The following NDUFAF6 variants were observed in gnomAD, a reference collection of about 807,000 sequenced individuals.
NDUFAF6 encodes NADH dehydrogenase (ubiquinone) complex I, assembly factor 6.
In NDUFAF6, 45 loss-of-function variants were observed where a neutral mutation model predicts 40.8. The observed-to-expected ratio is 1.10, with a 90% CI of 0.87 to 1.42. The LOEUF (loss-of-function observed/expected upper bound fraction) is 1.42. NDUFAF6 is among the 40% of genes most tolerant of loss of function. The pLI is 0.00. For missense variants in NDUFAF6, 435 were observed against 418.5 expected (o/e 1.04, Z -0.34); for synonymous variants, 185 against 155.9 (o/e 1.19, Z -1.39).
At chr8:94,991,543 T>G (rs1254093015) in intron 2 of NDUFAF6, among the ~76,000 whole-genome samples, 2 of 152,212 alleles carry the variant, frequency 1.3e-5, no homozygotes, top group African/African-American at 4.8e-5. Context: ...CTAATCAGCT[T>G]ATGTATGTAA....
intron 1 of NDUFAF6, among the ~76,000 whole-genome samples, chr8:94,943,492 A>G (rs998739722): frequency 6.6e-6 from 1 of 152,172 alleles, no homozygotes; most frequent in African/African-American, 2.4e-5. Flanking sequence ...GTCTCAAAAA[A>G]AAGTTATATA....
intron 1 of NDUFAF6, chr8:94,930,577 G>C (rs1443640130): frequency 6.2e-7 from 1 of 1,614,212 alleles, no homozygotes; most frequent in Non-Finnish European, 8.5e-7. Flanking sequence ...TGGCGACGAA[G>C]GCTATTTCTG....
rs564548190 is a variant in NDUFAF6 at position 95,041,073 on chromosome 8, G to A, written c.421-497G>A. On this transcript the variant is annotated intron_variant, in intron 3 of 8. Transcript: ENST00000396124. ...ATCTTTATCCTGTGGAAAACAATTT[G>A]CGTATAATGAGTAAGTATAGAAGTC... 1.8e-3 allele frequency: 271 copies of A among 152,554 alleles called. 2 individuals carry two copies. Among genetic ancestry groups the A allele is most frequent in the Non-Finnish European group, 3.2e-3 (217 of 68,248 alleles). The allele number at this position is 152,554 out of a possible 1,614,324, so 9.5% of individuals were successfully genotyped here.
chr8:95,082,745 C>T (rs1284312242), intron 2 of NDUFAF6, among the ~76,000 whole-genome samples: 2 of 151,724 alleles, frequency 1.3e-5, no homozygotes, highest in Admixed American at 6.6e-5. Context: ...CTGCAAGCTC[C>T]GCCTCCCGGG....
At chr8:94,902,834 T>A (rs1818116938) in intron 1 of NDUFAF6, among the ~76,000 whole-genome samples, 1 of 151,816 alleles carries the variant, frequency 6.6e-6, no homozygotes, top group South Asian at 2.1e-4. Context: ...TAGTTGGGAT[T>A]ACAGGCGCCC....
intron 1 of NDUFAF6, among the ~76,000 whole-genome samples, chr8:94,921,938 A>C (rs968702665): frequency 4.6e-5 from 7 of 152,230 alleles, no homozygotes; most frequent in Admixed American, 2.0e-4. Flanking sequence ...ACACATTCTC[A>C]GGCTCTATCC....
intron 2 of NDUFAF6, chr8:94,988,898 A>C (rs1826064828): frequency 6.6e-6 from 1 of 152,276 alleles, no homozygotes; most frequent in South Asian, 2.1e-4. Context: ...GATGTGCGTT[A>C]AAGACATTAT....
At chr8:95,070,806 T>G (rs920055766) in intron 9 of NDUFAF6, among the ~76,000 whole-genome samples, 5 of 152,194 alleles carry the variant, frequency 3.3e-5, no homozygotes, top group African/African-American at 1.2e-4. Flanking sequence ...GGGTCTTTGC[T>G]TTGCAATTCA....
intron 1 of NDUFAF6, among the ~76,000 whole-genome samples, chr8:94,942,477 T>C (rs778093798): frequency 5.9e-5 from 9 of 152,186 alleles, no homozygotes; most frequent in Admixed American, 2.0e-4. Context: ...CTCTGAGACT[T>C]TGCCAAAACT....
chr8:95,028,820 T>C (rs1828478118), intron 1 of NDUFAF6, among the ~76,000 whole-genome samples: 2 of 152,192 alleles, frequency 1.3e-5, no homozygotes, highest in Admixed American at 1.3e-4. Context: ...ACTTCAAGTG[T>C]TTTAAACACT....
intron 7 of NDUFAF6, among the ~76,000 whole-genome samples, chr8:95,049,964 T>G (rs1018593158): frequency 1.3e-5 from 2 of 152,244 alleles, no homozygotes; most frequent in African/African-American, 2.4e-5. Context: ...GATTGTAAGC[T>G]CTTTGAGGGC....
intron 7 of NDUFAF6, among the ~76,000 whole-genome samples, chr8:95,048,954 A>G (rs1294968681): frequency 6.6e-6 from 1 of 151,748 alleles, no homozygotes; most frequent in Non-Finnish European, 1.5e-5. Context: ...GGCCTCTTTT[A>G]TCTTCTGGTT....
intron 1 of NDUFAF6, among the ~76,000 whole-genome samples, chr8:94,918,895 T>G (rs1819313857): frequency 6.6e-6 from 1 of 152,248 alleles, no homozygotes; most frequent in Non-Finnish European, 1.5e-5. Flanking sequence ...GATATGACAC[T>G]AGTTTTAATT....
chr8:95,051,790 G>C (rs1217539886), intron 7 of NDUFAF6, among the ~76,000 whole-genome samples: 1 of 152,134 alleles, frequency 6.6e-6, no homozygotes, highest in Non-Finnish European at 1.5e-5. Flanking sequence ...GGGAACACAG[G>C]CAAGATCACC....
At chr8:94,965,125 G>A (rs542942436) in intron 1 of NDUFAF6, among the ~76,000 whole-genome samples, 6 of 152,306 alleles carry the variant, frequency 3.9e-5, no homozygotes, top group South Asian at 4.1e-4. Context: ...CTGCCCAGTC[G>A]GCCCTGAGGC....
chr8:95,045,691 A>G (rs763151530), intron 5 of NDUFAF6, 44 bp downstream of exon 5: 20 of 1,475,114 alleles, frequency 1.4e-5, no homozygotes, highest in Non-Finnish European at 1.8e-5. Context: ...CCAATAAAAT[A>G]CCTATGAGAT....
rs768841435 is a variant in NDUFAF6 at position 95,058,541 on chromosome 8, T to C, written c.*604T>C. 7.4e-6 allele frequency: 9 copies of C among 1,222,000 alleles called. No individual in the cohort carries two copies. The highest frequency in any genetic ancestry group is 9.2e-6 in the Non-Finnish European group (9 of 982,436). The allele number at this position is 1,222,000 out of a possible 1,614,324, so 75.7% of individuals were successfully genotyped here. A position where few individuals can be genotyped will look rare whatever the true frequency, so the allele number is the denominator to read the frequency against. On this transcript the variant is annotated 3_prime_UTR_variant, in exon 9 of 9. Transcript: ENST00000396124. ...TGGCTGGCAAGAGCAGAGCCTTAAT[T>C]TGACTTTAGCTCTGGCTGGTCTGGA... is the stretch of plus-strand genomic sequence containing the variant.
At chr8:94,980,485 CTGAA>C (rs1455732804) in intron 1 of NDUFAF6, among the ~76,000 whole-genome samples, 6 of 141,844 alleles carry the variant, frequency 4.2e-5, no homozygotes, top group Non-Finnish European at 6.1e-5. Flanking sequence ...GGCTCTGTCA[CTGAA>C]CTGGAGTGCA....
intron 8 of NDUFAF6, among the ~76,000 whole-genome samples, chr8:95,054,892 G>A (rs1419012003): frequency 6.6e-6 from 1 of 152,170 alleles, no homozygotes; most frequent in Non-Finnish European, 1.5e-5. Context: ...TTCAAGGAAA[G>A]GATTTGCAGT....
Sources: gnomAD v4.1 joint callset for allele counts (sites outside exome capture counted in the v4.1 genomes callset) on GRCh38, gnomAD v4.1.1 for gene constraint, MANE v1.5 for transcripts, NCBI Gene and HGNC (gene_info 2026-07-23, HGNC 2026-07-21) for gene names.